Variants in PPP6R3 observed in about 807,000 individuals in gnomAD.
PPP6R3 encodes protein phosphatase 6 regulatory subunit 3, also known as serine/threonine-protein phosphatase 6 regulatory subunit 3.
A neutral mutation model predicts 110.7 loss-of-function variants in PPP6R3; 38 were observed. The ratio of observed to expected loss-of-function variants is 0.34; its 90% CI spans 0.26 to 0.45. The LOEUF (loss-of-function observed/expected upper bound fraction) is 0.45. Among genes scored for constraint, PPP6R3 ranks in the 20% least tolerant of loss-of-function variants. The pLI, the probability that PPP6R3 is intolerant of heterozygous loss-of-function variation, is 1.00. For missense variants in PPP6R3, 870 were observed against 1,062.4 expected, an observed-to-expected ratio of 0.82 and a Z score of 2.52; for synonymous variants, 369 against 373.5, an observed-to-expected ratio of 0.99 and a Z score of 0.14.
intron 3 of PPP6R3, 22 bp from the exon 4 acceptor site, chr11:68,544,816 T>C (rs1224263756): frequency 6.7e-7 from 1 of 1,501,776 alleles, no homozygotes; most frequent in East Asian, 2.3e-5. Context: ...AAGATGATGA[T>C]GTAAATATCC....
chr11:68,569,911 G>T lies in PPP6R3; in HGVS notation c.1278+14G>T. The T allele has an allele frequency of 1.3e-6, 2 of 1,594,890 alleles. No individual in the cohort carries two copies. Among genetic ancestry groups the T allele is most frequent in the Non-Finnish European group, 1.7e-6 (2 of 1,166,792 alleles). On this transcript the variant is annotated intron_variant, in intron 11 of 23. Coordinates refer to ENST00000393800, the MANE Select transcript of PPP6R3 (RefSeq NM_001164161.2). ...TTATTAAAACATGTAAGCTTATTTGGTCTCGTTTTTCTCCCACTCTCTCCT... is the reference window on the plus strand; with the variant it reads ...TTATTAAAACATGTAAGCTTATTTGTTCTCGTTTTTCTCCCACTCTCTCCT...
intron 1 of PPP6R3, among the ~76,000 whole-genome samples, chr11:68,513,446 A>G (rs2099120792): frequency 6.6e-6 from 1 of 152,192 alleles, no homozygotes; most frequent in Admixed American, 6.5e-5. Flanking sequence ...TGTTAAAGTT[A>G]ATTATTATTG....
Position 68,605,595 on chromosome 11 carries a change from A to C in PPP6R3, c.2450+2103A>C, listed in dbSNP as rs1032270255. On this transcript the variant is annotated intron_variant, in intron 22 of 23. Coordinates refer to ENST00000393800, the MANE Select transcript of PPP6R3 (RefSeq NM_001164161.2). ...CAGTTTGGGTGTAAGGCATTTTTTTAACCATAAAAAGCCAAACCATAAAGG... is the reference window on the plus strand; with the variant it reads ...CAGTTTGGGTGTAAGGCATTTTTTTCACCATAAAAAGCCAAACCATAAAGG... Among the ~76,000 whole-genome samples, 6 of 152,232 alleles carry C rather than the reference A, an allele frequency of 3.9e-5. No individual in the cohort carries two copies. The East Asian group carries it at 1.2e-3, about 29-fold the overall frequency.
At chr11:68,573,890 T>C (rs961379450) in intron 12 of PPP6R3, among the ~76,000 whole-genome samples, 25 of 152,186 alleles carry the variant, frequency 1.6e-4, no homozygotes, top group African/African-American at 6.0e-4. Flanking sequence ...GAGGCTGCCA[T>C]ATAATCTTTT....
Position 68,614,126 on chromosome 11 carries a change from T to C in PPP6R3, c.*1009T>C. On this transcript the variant is annotated 3_prime_UTR_variant, in exon 24 of 24. Transcript: ENST00000393800. ...ATTAGAGTGCGTTCATTTTACAGGC[T>C]AGTATTTTAAAAGTAGAAATCAAAA... 1.0e-6 allele frequency: 1 copy of C among 986,622 alleles called. No homozygotes were observed. The highest frequency in any genetic ancestry group is 1.1e-4 in the East Asian group (1 of 8,826). The allele number at this position is 986,622 out of a possible 1,614,324, so 61.1% of individuals were successfully genotyped here.
intron 3 of PPP6R3, among the ~76,000 whole-genome samples, chr11:68,540,541 A>C (rs1258303863): frequency 6.6e-6 from 1 of 152,178 alleles, no homozygotes; most frequent in African/African-American, 2.4e-5. Flanking sequence ...GTCATTGATA[A>C]CATCTTATCA....
chr11:68,531,647 G>C (rs1035396777), intron 2 of PPP6R3, among the ~76,000 whole-genome samples: 1 of 152,168 alleles, frequency 6.6e-6, no homozygotes, highest in Non-Finnish European at 1.5e-5. Flanking sequence ...TTGAAAGTTT[G>C]GGAAGCTTTA....
At chr11:68,595,430 G>A (rs1315063702) in intron 18 of PPP6R3, among the ~76,000 whole-genome samples, 1 of 151,854 alleles carries the variant, frequency 6.6e-6, no homozygotes, top group African/African-American at 2.4e-5. Context: ...TGGCCAGGCT[G>A]GTCTCAAACT....
At chr11:68,535,640 C>A (rs2099265976) in intron 2 of PPP6R3, 1 of 151,854 alleles carries the variant, frequency 6.6e-6, no homozygotes, top group Non-Finnish European at 1.5e-5. Context: ...TTAAAACTTG[C>A]TCCTTAAGGA....
At chr11:68,568,581 G>A (rs1317869207) in intron 10 of PPP6R3, among the ~76,000 whole-genome samples, 2 of 151,966 alleles carry the variant, frequency 1.3e-5, no homozygotes, top group Non-Finnish European at 2.9e-5. Flanking sequence ...GGAGATTCAC[G>A]TTACTGCCTC....
chr11:68,532,437 A>G (rs1158068404), intron 2 of PPP6R3, among the ~76,000 whole-genome samples: 2 of 152,224 alleles, frequency 1.3e-5, no homozygotes, highest in Non-Finnish European at 2.9e-5. Flanking sequence ...CCATTTTCAA[A>G]CTACTTAATC....
Position 68,614,872 on chromosome 11 carries a change from G to A in PPP6R3, c.*1755G>A. 2 of 931,476 alleles carry A rather than the reference G, an allele frequency of 2.1e-6. No homozygotes were observed. The highest frequency in any genetic ancestry group is 3.3e-6 in the Non-Finnish European group (2 of 597,546). 57.7% of individuals were successfully genotyped at this position (931,476 alleles called of 1,614,324 possible). On this transcript the variant is annotated 3_prime_UTR_variant, in exon 24 of 24. Transcript: ENST00000393800. The stretch of plus-strand genomic sequence containing the variant: ...ATGGCGTTGGACCTCGGGGATTACT[G>A]GTAGATAATATGCTCTGGTCTCGCC...
In PPP6R3 at chr11:68,555,451, A is replaced by G. The variant is rs549333316; in HGVS notation, c.731+1194A>G. Among the ~76,000 whole-genome samples the G allele has an allele frequency of 1.7e-3, 252 of 152,340 alleles. 1 individual carries two copies. The highest frequency in any genetic ancestry group is 2.2e-3 in the Non-Finnish European group (153 of 68,032). On this transcript the variant is annotated intron_variant, in intron 7 of 23. Transcript: ENST00000393800. ...TTTTTGCCCAAAGTCTTGGAAATCC[A>G]ATGTGTATTTTACACTTAGAACATG... is the stretch of plus-strand genomic sequence containing the variant.
chr11:68,610,887 G>A (rs1329210265), intron 23 of PPP6R3, among the ~76,000 whole-genome samples: 1 of 142,952 alleles, frequency 7.0e-6, no homozygotes, highest in Non-Finnish European at 1.5e-5. Flanking sequence ...CATTGTATGA[G>A]AGCATAACCA....
chr11:68,557,181 G>T (rs1319037912), intron 7 of PPP6R3, among the ~76,000 whole-genome samples: 1 of 152,204 alleles, frequency 6.6e-6, no homozygotes, highest in East Asian at 1.9e-4. Flanking sequence ...CTAATAGTTA[G>T]TGTATAGACT....
chr11:68,563,103 C>T (rs1430488876), intron 8 of PPP6R3, among the ~76,000 whole-genome samples: 3 of 128,480 alleles, frequency 2.3e-5, no homozygotes, highest in African/African-American at 5.7e-5. Context: ...CCATCTCTAC[C>T]GAAAAAAAAA....
chr11:68,589,613 A>G (rs2099589251), intron 16 of PPP6R3, among the ~76,000 whole-genome samples: 1 of 152,230 alleles, frequency 6.6e-6, no homozygotes, highest in Admixed American at 6.5e-5. Flanking sequence ...TGGTATTTGA[A>G]TATTGGATGA....
chr11:68,521,799 T>C (rs1592470221), intron 2 of PPP6R3, among the ~76,000 whole-genome samples: 1 of 152,342 alleles, frequency 6.6e-6, no homozygotes, highest in African/African-American at 2.4e-5. Flanking sequence ...TGTAATAATT[T>C]AGTTCAATTT....
chr11:68,520,326 T>C (rs2153573703), intron 2 of PPP6R3, among the ~76,000 whole-genome samples: 1 of 152,344 alleles, frequency 6.6e-6, no homozygotes, highest in African/African-American at 2.4e-5. Flanking sequence ...CACTTTTTAC[T>C]TGGCTTTCTT....
Sources: gnomAD v4.1 joint callset for allele counts (sites outside exome capture counted in the v4.1 genomes callset) on GRCh38, gnomAD v4.1.1 for gene constraint, MANE v1.5 for transcripts, NCBI Gene and HGNC (gene_info 2026-07-23, HGNC 2026-07-21) for gene names.